Variants in LIN52 observed in about 807,000 individuals in gnomAD.
LIN52 encodes protein lin-52 homolog.
In LIN52, 4 loss-of-function variants were observed where a neutral mutation model predicts 18.5. The observed-to-expected ratio is 0.22, with a 90% confidence interval of 0.11 to 0.49. LIN52 has a LOEUF of 0.49. Among genes scored for constraint, LIN52 ranks in the 20% least tolerant of loss-of-function variants. The pLI, the probability that LIN52 is intolerant of heterozygous loss-of-function variation, is 0.97. For missense variants in LIN52, 102 were observed against 139.5 expected (o/e 0.73, Z 1.35); for synonymous variants, 34 against 45.5 (o/e 0.75, Z 1.02).
chr14:74,085,868 A>ATT (rs2060726207), intron 1 of LIN52, among the ~76,000 whole-genome samples: 1 of 152,170 alleles, frequency 6.6e-6, no homozygotes, highest in Admixed American at 6.6e-5. Flanking sequence ...AGACAAAAAC[A>ATT]TTTTATATTT....
chr14:74,087,732 TTTGTC>T (rs1305559798), intron 1 of LIN52, among the ~76,000 whole-genome samples: 3 of 152,194 alleles, frequency 2.0e-5, no homozygotes, highest in African/African-American at 7.2e-5. Context: ...CATTTACTCT[TTTGTC>T]TTTTTCGTGA....
At chr14:74,112,067 A>T (rs1267074608) in intron 5 of LIN52, among the ~76,000 whole-genome samples, 1 of 151,946 alleles carries the variant, frequency 6.6e-6, no homozygotes, top group Non-Finnish European at 1.5e-5. Context: ...TTTAGTAGAG[A>T]TGGGGTTTCT....
intron 5 of LIN52, among the ~76,000 whole-genome samples, chr14:74,140,113 A>G (rs1595172238): frequency 2.0e-5 from 3 of 152,218 alleles, no homozygotes; most frequent in African/African-American, 7.2e-5. Flanking sequence ...TTCACTTAAA[A>G]GCTTTTTAAA....
chr14:74,147,511 G>A (rs1595174829), intron 5 of LIN52, among the ~76,000 whole-genome samples: 1 of 152,174 alleles, frequency 6.6e-6, no homozygotes, highest in Non-Finnish European at 1.5e-5. Flanking sequence ...GGGTAGGACA[G>A]GTGTGGTGAC....
chr14:74,181,210 G>C (rs2061317406), intron 5 of LIN52, among the ~76,000 whole-genome samples: 2 of 151,924 alleles, frequency 1.3e-5, no homozygotes, highest in Non-Finnish European at 2.9e-5. Flanking sequence ...GAAGGACAGA[G>C]TGAGAGGATC....
At chr14:74,183,471 C>T (rs576559075) in intron 5 of LIN52, among the ~76,000 whole-genome samples, 1 of 152,244 alleles carries the variant, frequency 6.6e-6, no homozygotes, top group African/African-American at 2.4e-5. Context: ...TGTCTCTGCT[C>T]CCTGGCCTAC....
intron 5 of LIN52, among the ~76,000 whole-genome samples, chr14:74,185,309 CT>C (rs71115969): frequency 1.1e-3 from 88 of 78,784 alleles, no homozygotes; most frequent in African/African-American, 3.7e-3. Context: ...ATAATGATTT[CT>C]TTTTTTTTTT....
intron 2 of LIN52, among the ~76,000 whole-genome samples, chr14:74,093,438 G>T (rs2060786628): frequency 1.4e-5 from 2 of 147,768 alleles, no homozygotes; most frequent in South Asian, 4.2e-4. Context: ...CAATTCTCCT[G>T]CCTCAGCCCC....
At chr14:74,146,171 A>C (rs1247804563) in intron 5 of LIN52, among the ~76,000 whole-genome samples, 1 of 152,088 alleles carries the variant, frequency 6.6e-6, no homozygotes, top group East Asian at 1.9e-4. Context: ...AATCATCCTC[A>C]CTGCCTTTTC....
In LIN52 at chr14:74,110,260, A is replaced by T. The variant is rs547174352; in HGVS notation, c.283+9022A>T. Among the ~76,000 whole-genome samples, 9 of 152,328 alleles carry T rather than the reference A, an allele frequency of 5.9e-5. No individual in the cohort carries two copies. In the South Asian group the frequency reaches 1.9e-3, roughly 32 times the overall value. On this transcript the variant is annotated intron_variant, in intron 5 of 5. Transcript: ENST00000555028. Reference sequence around the variant, plus strand: ...ATCACTGTTGTTTTTTAAAAGCAACATTTCACTGTAAAAAGATTGAGAGGG... The same window carrying T: ...ATCACTGTTGTTTTTTAAAAGCAACTTTTCACTGTAAAAAGATTGAGAGGG...
At chr14:74,135,319 TC>T (rs1253084105) in intron 5 of LIN52, among the ~76,000 whole-genome samples, 3 of 152,276 alleles carry the variant, frequency 2.0e-5, no homozygotes, top group Admixed American at 2.0e-4. Context: ...CGCGTTGGCC[TC>T]CCAAAGTGCT....
intron 5 of LIN52, among the ~76,000 whole-genome samples, chr14:74,130,846 A>G (rs1039945873): frequency 2.6e-5 from 4 of 152,098 alleles, no homozygotes; most frequent in African/African-American, 9.7e-5. Flanking sequence ...TTGGCCTCCC[A>G]AAGTGCTAGG....
At position 74,165,590 on chromosome 14, in the gene LIN52, C is replaced by G. The variant is rs2061245963; in HGVS notation, c.284-33332C>G. On this transcript the variant is annotated intron_variant, in intron 5 of 5. Coordinates refer to ENST00000555028, the MANE Select transcript of LIN52 (RefSeq NM_001024674.3). ...GTGGCACAATCTTGGCTCCCTGCAA[C>G]CTCCATCTCCAGGGTTCAAGCGATT... 2.8e-5 allele frequency among the ~76,000 whole-genome samples: 4 copies of G among 141,896 alleles called. No individual in the cohort carries two copies. In the South Asian group the frequency reaches 9.1e-4, roughly 32 times the overall value. The allele number at this position is 141,896 out of a possible 152,430, so 93.1% of individuals were successfully genotyped here.
At chr14:74,118,740 C>T (rs888107973) in intron 5 of LIN52, among the ~76,000 whole-genome samples, 5 of 152,154 alleles carry the variant, frequency 3.3e-5, no homozygotes, top group African/African-American at 1.2e-4. Context: ...CACCATTGTA[C>T]TCCAGCCTGG....
intron 5 of LIN52, among the ~76,000 whole-genome samples, chr14:74,176,180 T>C (rs553524622): frequency 1.3e-4 from 20 of 152,304 alleles, no homozygotes; most frequent in Admixed American, 1.1e-3. Flanking sequence ...TTATAATTAT[T>C]GAGATTGAGC....
intron 1 of LIN52, among the ~76,000 whole-genome samples, chr14:74,086,577 C>T (rs187802859): frequency 2.6e-5 from 4 of 151,940 alleles, no homozygotes; most frequent in Non-Finnish European, 5.9e-5. Flanking sequence ...ATCTCTTGAG[C>T]CCAGGGGGTG....
At chr14:74,130,770 G>A (rs1419022275) in intron 5 of LIN52, among the ~76,000 whole-genome samples, 1 of 150,264 alleles carries the variant, frequency 6.7e-6, no homozygotes, top group Non-Finnish European at 1.5e-5. Flanking sequence ...TTTTTGTTTA[G>A]AGATGGGGTT....
chr14:74,106,448 A>G (rs1389022303), intron 5 of LIN52, among the ~76,000 whole-genome samples: 1 of 151,736 alleles, frequency 6.6e-6, no homozygotes, highest in African/African-American at 2.4e-5. Context: ...TTTTTTTGAT[A>G]TTTTGTAGAG....
At chr14:74,190,309 T>C (rs2061357975) in intron 5 of LIN52, among the ~76,000 whole-genome samples, 1 of 152,018 alleles carries the variant, frequency 6.6e-6, no homozygotes, top group African/African-American at 2.4e-5. Context: ...TAGTCTGTGA[T>C]AGTTTGATCC....
Sources: allele counts gnomAD v4.1 joint callset (sites outside exome capture counted in the v4.1 genomes callset), GRCh38; gene constraint gnomAD v4.1.1; transcripts MANE v1.5; gene names NCBI Gene and HGNC (gene_info 2026-07-23, HGNC 2026-07-21).